Variants in M1AP observed in about 807,000 individuals in gnomAD.
The protein encoded by M1AP is meiosis 1 associated protein.
In M1AP, 39 loss-of-function variants were observed where a neutral mutation model predicts 51.2. That is an observed-to-expected ratio of 0.76 (90% CI 0.59 to 1.00). The LOEUF is 1.00. M1AP is among the 50% of genes least tolerant of loss of function. M1AP has a pLI of 0.00. For missense variants in M1AP, 545 were observed against 641.2 expected (o/e 0.85, Z 1.62); for synonymous variants, 251 against 249.2 (o/e 1.01, Z -0.07).
chr2:74,577,579 G>T (rs973335543), intron 5 of M1AP, among the ~76,000 whole-genome samples: 1 of 152,206 alleles, frequency 6.6e-6, no homozygotes, highest in African/African-American at 2.4e-5. Flanking sequence ...AAAATAGAGT[G>T]GCAGAACAGA....
intron 4 of M1AP, among the ~76,000 whole-genome samples, chr2:74,592,030 C>T (rs1294365865): frequency 1.3e-5 from 2 of 152,002 alleles, no homozygotes; most frequent in Non-Finnish European, 2.9e-5. Context: ...TCTCGAACTA[C>T]TGACCTAAGT....
At chr2:74,616,562 GA>G (rs1287527375) in intron 2 of M1AP, among the ~76,000 whole-genome samples, 5 of 151,976 alleles carry the variant, frequency 3.3e-5, no homozygotes, top group African/African-American at 4.8e-5. Flanking sequence ...TAATGTAAAA[GA>G]ATTTTTATGC....
rs757898675 is a variant in M1AP at position 74,576,338 on chromosome 2, C to T, written c.932+118G>A. The T allele has an allele frequency of 4.2e-4, 464 of 1,107,802 alleles. 2 individuals are homozygous for T. Among genetic ancestry groups the T allele is most frequent in the Middle Eastern group, 1.8e-3 (6 of 3,312 alleles). The allele number at this position is 1,107,802 out of a possible 1,614,324, so 68.6% of individuals were successfully genotyped here. A position where few individuals can be genotyped will look rare whatever the true frequency, so the allele number is the denominator to read the frequency against. On this transcript the variant is annotated intron_variant, in intron 6 of 10. Transcript: ENST00000421985. ...CATGCCATAGCTGTAACTGCTACTT[C>T]GGAACTGACTCTTGCCTGCCTGACA...
chr2:74,571,997 C>CAAA (rs1207829899), intron 7 of M1AP, among the ~76,000 whole-genome samples: 2 of 72,956 alleles, frequency 2.7e-5, no homozygotes, highest in Non-Finnish European at 3.0e-5. Flanking sequence ...AACTCCGTCT[C>CAAA]AAAAAAAAAA....
chr2:74,598,839 C>A (rs1038052053), intron 4 of M1AP, among the ~76,000 whole-genome samples: 3 of 151,936 alleles, frequency 2.0e-5, no homozygotes, highest in African/African-American at 7.2e-5. Flanking sequence ...TCAGGCTGAT[C>A]TTGAACTCCT....
intron 2 of M1AP, among the ~76,000 whole-genome samples, chr2:74,636,055 C>T (rs1384738640): frequency 6.6e-6 from 1 of 151,976 alleles, no homozygotes; most frequent in South Asian, 2.1e-4. Flanking sequence ...GAGAGAGGGA[C>T]ACTGAATCCA....
At chr2:74,634,119 GA>G (rs1302800515) in intron 2 of M1AP, among the ~76,000 whole-genome samples, 1 of 152,038 alleles carries the variant, frequency 6.6e-6, no homozygotes, top group Non-Finnish European at 1.5e-5. Flanking sequence ...GAAAGTCATG[GA>G]AAAAACACTT....
intron 1 of M1AP, among the ~76,000 whole-genome samples, chr2:74,646,806 GAAC>G (rs1317703175): frequency 3.9e-5 from 6 of 152,128 alleles, no homozygotes; most frequent in Admixed American, 3.3e-4. Context: ...CAAGGTTATA[GAAC>G]AACTGTAATT....
intron 2 of M1AP, among the ~76,000 whole-genome samples, chr2:74,623,875 T>C (rs540914698): frequency 6.6e-6 from 1 of 152,122 alleles, no homozygotes; most frequent in South Asian, 2.1e-4. Flanking sequence ...TCTTGCTATG[T>C]TGCCCAGGCT....
At chr2:74,639,898 G>T in intron 2 of M1AP, 138 bp downstream of exon 2, 1 of 737,116 alleles carries the variant, frequency 1.4e-6, no homozygotes, top group Non-Finnish European at 2.2e-6. Context: ...TGGCTCTCAT[G>T]GTGTTACTCG....
Position 74,607,051 on chromosome 2 carries a change from T to A in M1AP, c.595+4A>T, listed in dbSNP as rs1558676554. The stretch of plus-strand genomic sequence containing the variant: ...TTCTTTTTACCTTGTTAAAAAATTC[T>A]TACCATCATTGCTGGTATCCTCAAC... On this transcript the variant is annotated splice_donor_region_variant and intron_variant, in intron 4 of 10. Transcript: ENST00000421985. The A allele has an allele frequency of 3.7e-6, 6 of 1,611,860 alleles. No homozygotes were observed. Among genetic ancestry groups the A allele is most frequent in the Non-Finnish European group, 5.1e-6 (6 of 1,178,764 alleles).
At chr2:74,572,602 T>G (rs1312520916) in intron 7 of M1AP, among the ~76,000 whole-genome samples, 2 of 152,264 alleles carry the variant, frequency 1.3e-5, no homozygotes, top group Non-Finnish European at 2.9e-5. Flanking sequence ...ATTACATGTG[T>G]GAGCTAGGTC....
intron 4 of M1AP, among the ~76,000 whole-genome samples, chr2:74,591,501 T>C (rs1212738253): frequency 6.6e-6 from 1 of 152,152 alleles, no homozygotes; most frequent in Non-Finnish European, 1.5e-5. Flanking sequence ...GGAAGAAATA[T>C]TGTCATAGGC....
At chr2:74,639,569 A>G (rs753990009) in intron 2 of M1AP, among the ~76,000 whole-genome samples, 89 of 152,244 alleles carry the variant, frequency 5.8e-4, no homozygotes, top group Admixed American at 2.3e-3. Flanking sequence ...GAATGTAGAA[A>G]AAATATTTTC....
chr2:74,622,561 T>TTTC (rs1682119211), intron 2 of M1AP, among the ~76,000 whole-genome samples: 1 of 151,184 alleles, frequency 6.6e-6, no homozygotes, highest in African/African-American at 2.4e-5. Flanking sequence ...TTTTTTTTTT[T>TTTC]TTCTATTTTT....
At chr2:74,588,475 C>T (rs1009361870) in intron 4 of M1AP, among the ~76,000 whole-genome samples, 2 of 152,190 alleles carry the variant, frequency 1.3e-5, no homozygotes, top group Admixed American at 6.5e-5. Flanking sequence ...AAAGCTTAGT[C>T]AGGAACAGCA....
chr2:74,619,485 T>C (rs1681878246), intron 2 of M1AP: 1 of 152,550 alleles, frequency 6.6e-6, no homozygotes, highest in African/African-American at 2.4e-5. Flanking sequence ...AGACTTAAGA[T>C]CAGAGCTCCC....
At position 74,560,267 on chromosome 2, in the gene M1AP, C is replaced by T. The variant is rs367678611; in HGVS notation, c.1306G>A (p.Glu436Lys). 1 of 1,611,500 alleles carries T rather than the reference C, an allele frequency of 6.2e-7. No homozygotes were observed. Among genetic ancestry groups the T allele is most frequent in the Non-Finnish European group, 8.5e-7 (1 of 1,178,840 alleles). The change falls in exon 9 of 11, where the codon GAG becomes AAG. Residue 436 changes from glutamate to lysine, a missense_variant. Coordinates refer to ENST00000421985, the MANE Select transcript of M1AP (RefSeq NM_001321739.2). ...ACATGCAAGGGGTTGTAGGTGGGCT[C>T]CAGCTCCAGGCTGTCCAGCATGCTC... ...VESMLDSLEL[E>K]PTYNPLHVQS...
In M1AP at chr2:74,607,171, TC is replaced by T; in HGVS notation, c.478del (p.Glu160LysfsTer3). 6.2e-7 allele frequency: 1 copy of T among 1,614,112 alleles called. No homozygotes were observed. Among genetic ancestry groups the T allele is most frequent in the Non-Finnish European group, 8.5e-7 (1 of 1,179,994 alleles). ...PGKEVVKQLEEGLKDTDLARV... is the reference protein window; with the variant it reads ...PGKEVVKQLEXGLKDTDLARV... ...GGCTAGGTCTGTATCTTTCAACCCT[TC>T]CTCCAACTGTTTGACCACCTCTTTT... On this transcript the variant is annotated frameshift_variant, in exon 4 of 11. Coordinates refer to ENST00000421985, the MANE Select transcript of M1AP (RefSeq NM_001321739.2). LOFTEE classifies it high-confidence loss of function.
Sources: gnomAD v4.1 joint callset for allele counts (sites outside exome capture counted in the v4.1 genomes callset) on GRCh38, gnomAD v4.1.1 for gene constraint, MANE v1.5 for transcripts, NCBI Gene and HGNC (gene_info 2026-07-23, HGNC 2026-07-21) for gene names.